Variants in ZNF385D observed in about 807,000 individuals in gnomAD.
The protein encoded by ZNF385D is zinc finger protein 659.
A neutral mutation model predicts 35.8 loss-of-function variants in ZNF385D; 15 were observed. The observed-to-expected ratio is 0.42, with a 90% CI of 0.28 to 0.64. The LOEUF is 0.64. Among genes scored for constraint, ZNF385D ranks in the 30% least tolerant of loss-of-function variants. The pLI, the probability that ZNF385D is intolerant of heterozygous loss-of-function variation, is 0.23. For missense variants in ZNF385D, 474 were observed against 494.6 expected (o/e 0.96, Z 0.39); for synonymous variants, 212 against 186.8 (o/e 1.13, Z -1.10).
intron 5 of ZNF385D, among the ~76,000 whole-genome samples, chr3:21,434,688 C>G (rs1366299327): frequency 1.3e-5 from 2 of 152,160 alleles, no homozygotes; most frequent in Non-Finnish European, 2.9e-5. Flanking sequence ...TTCCTCTTCC[C>G]TTGCTACCTT....
At chr3:21,983,870 G>C (rs1694653226) in intron 3 of ZNF385D, among the ~76,000 whole-genome samples, 3 of 121,916 alleles carry the variant, frequency 2.5e-5, no homozygotes, top group East Asian at 4.5e-4. Flanking sequence ...ACTGGTGTGA[G>C]ATGATATCTC....
rs2062470580 is a variant in ZNF385D at position 21,548,850 on chromosome 3, AC to A, written c.276+15723del. Among the ~76,000 whole-genome samples the A allele has an allele frequency of 2.0e-5, 3 of 152,276 alleles. No individual in the cohort carries two copies. In the South Asian group the frequency reaches 6.2e-4, roughly 32 times the overall value. Reference sequence around the variant, plus strand: ...AACTTAGGAGCCCTATTTCTTGTCCACCTAGCTGTTTCAGTAGCCTATTGCC... The same window carrying A: ...AACTTAGGAGCCCTATTTCTTGTCCACTAGCTGTTTCAGTAGCCTATTGCC... On this transcript the variant is annotated intron_variant, in intron 3 of 7. Coordinates refer to ENST00000281523, the MANE Select transcript of ZNF385D (RefSeq NM_024697.3).
intron 2 of ZNF385D, among the ~76,000 whole-genome samples, chr3:22,177,022 C>T (rs961433410): frequency 6.6e-6 from 1 of 152,072 alleles, no homozygotes; most frequent in Non-Finnish European, 1.5e-5. Context: ...GTACACAAAT[C>T]TTTTCCTGTA....
intron 4 of ZNF385D, among the ~76,000 whole-genome samples, chr3:21,443,668 A>C (rs1465955815): frequency 6.6e-6 from 1 of 152,310 alleles, no homozygotes; most frequent in Middle Eastern, 3.4e-3. Context: ...AGTTCCATGC[A>C]AAAAGTAATC....
intron 3 of ZNF385D, among the ~76,000 whole-genome samples, chr3:22,122,639 C>T (rs1234034736): frequency 6.6e-6 from 1 of 151,884 alleles, no homozygotes; most frequent in Non-Finnish European, 1.5e-5. Flanking sequence ...TATAGGGTTT[C>T]TTGAATAATA....
chr3:21,784,520 T>C (rs113633854), intron 3 of ZNF385D, among the ~76,000 whole-genome samples: 3 of 152,046 alleles, frequency 2.0e-5, no homozygotes, highest in Non-Finnish European at 4.4e-5. Context: ...TATATTTAGA[T>C]AGAGAAAAAT....
At chr3:22,107,012 A>C (rs1399894417) in intron 3 of ZNF385D, among the ~76,000 whole-genome samples, 1 of 127,796 alleles carries the variant, frequency 7.8e-6, no homozygotes, top group Admixed American at 8.1e-5. Context: ...TTATGCAAAA[A>C]CTTTGGAATG....
chr3:22,112,184 G>A (rs1039228962), intron 3 of ZNF385D, among the ~76,000 whole-genome samples: 8 of 152,140 alleles, frequency 5.3e-5, no homozygotes, highest in Non-Finnish European at 1.0e-4. Flanking sequence ...TTGTTTAGCA[G>A]AGTATTATTT....
intron 2 of ZNF385D, among the ~76,000 whole-genome samples, chr3:21,588,609 A>G (rs959021892): frequency 3.3e-5 from 5 of 152,162 alleles, no homozygotes; most frequent in South Asian, 4.1e-4. Context: ...ATTAAAAATA[A>G]TTTTTAAAAG....
chr3:21,817,097 T>A (rs1043987693), intron 3 of ZNF385D, among the ~76,000 whole-genome samples: 2 of 152,190 alleles, frequency 1.3e-5, no homozygotes, highest in African/African-American at 4.8e-5. Context: ...GATTCCCTAT[T>A]TAATAAATGG....
chr3:22,184,615 CA>C (rs1695504221), intron 2 of ZNF385D, among the ~76,000 whole-genome samples: 1 of 152,088 alleles, frequency 6.6e-6, no homozygotes, highest in South Asian at 2.1e-4. Flanking sequence ...CACCTGAGGT[CA>C]GGAATTCGAG....
chr3:21,831,850 A>C (rs902563634), intron 3 of ZNF385D, among the ~76,000 whole-genome samples: 2 of 152,192 alleles, frequency 1.3e-5, no homozygotes, highest in Admixed American at 6.5e-5. Context: ...AAATTACATG[A>C]CTTTGTACTG....
intron 3 of ZNF385D, among the ~76,000 whole-genome samples, chr3:21,831,527 C>A (rs912348563): frequency 6.6e-6 from 1 of 152,150 alleles, no homozygotes; most frequent in African/African-American, 2.4e-5. Flanking sequence ...TCAGACCTTT[C>A]TACACTTCAT....
chr3:22,260,922 T>C (rs1018082182), intron 2 of ZNF385D, among the ~76,000 whole-genome samples: 1 of 152,092 alleles, frequency 6.6e-6, no homozygotes, highest in Non-Finnish European at 1.5e-5. Context: ...CTAACCATTA[T>C]GCTACTATTT....
intron 1 of ZNF385D, among the ~76,000 whole-genome samples, chr3:21,675,014 G>A (rs1359517161): frequency 6.6e-6 from 1 of 152,018 alleles, no homozygotes; most frequent in Non-Finnish European, 1.5e-5. Flanking sequence ...CTGAGATATT[G>A]TACCCATTTT....
At chr3:22,129,990 C>T (rs917111890) in intron 3 of ZNF385D, among the ~76,000 whole-genome samples, 1 of 152,106 alleles carries the variant, frequency 6.6e-6, no homozygotes, top group South Asian at 2.1e-4. Context: ...CTGGCTACTG[C>T]TGATGTTTAT....
chr3:21,645,742 CAAAG>C (rs1198829589), intron 2 of ZNF385D, among the ~76,000 whole-genome samples: 1 of 152,104 alleles, frequency 6.6e-6, no homozygotes, highest in East Asian at 1.9e-4. Flanking sequence ...AGGAAAGAAT[CAAAG>C]AAGGACAACT....
chr3:21,821,165 T>G (rs1278522045), intron 3 of ZNF385D, among the ~76,000 whole-genome samples: 1 of 152,062 alleles, frequency 6.6e-6, no homozygotes, highest in Non-Finnish European at 1.5e-5. Flanking sequence ...TCTAAGTTAT[T>G]TTATGAGACA....
At chr3:21,596,936 G>T (rs2064144685) in intron 2 of ZNF385D, among the ~76,000 whole-genome samples, 1 of 151,996 alleles carries the variant, frequency 6.6e-6, no homozygotes, top group South Asian at 2.1e-4. Context: ...TTCACTTTCA[G>T]GCCTGAAAAC....
Sources: allele counts gnomAD v4.1 joint callset (sites outside exome capture counted in the v4.1 genomes callset), GRCh38; gene constraint gnomAD v4.1.1; transcripts MANE v1.5; gene names NCBI Gene and HGNC (gene_info 2026-07-23, HGNC 2026-07-21).